Variants in ZDHHC11 observed in about 807,000 individuals in gnomAD.
ZDHHC11 encodes palmitoyltransferase ZDHHC11.
ZDHHC11 carries 44 observed loss-of-function variants against 51.3 expected under a neutral mutation model. That is an observed-to-expected ratio of 0.86 (90% CI 0.67 to 1.10). The LOEUF (loss-of-function observed/expected upper bound fraction) is 1.10. Ranked by LOEUF, ZDHHC11 falls within the 50% of genes least tolerant of loss-of-function variation. The pLI is 0.00. For synonymous variants in ZDHHC11, 163 were observed against 222.0 expected (o/e 0.73, Z 2.36); for missense variants, 400 against 537.7 (o/e 0.74, Z 2.53).
intron 4 of ZDHHC11, chr5:841,900 C>G (rs1745042674): frequency 7.1e-6 from 7 of 989,388 alleles, no homozygotes; most frequent in Admixed American, 6.1e-5. Context: ...CTCTCTGGAA[C>G]TGGTGGCCTC....
chr5:818,963 G>A lies in ZDHHC11; in HGVS notation c.1146+562C>T, dbSNP rs572421076. Among the ~76,000 whole-genome samples, 62 of 151,524 alleles carry A rather than the reference G, an allele frequency of 4.1e-4. 1 individual carries two copies. Among genetic ancestry groups the A allele is most frequent in the African/African-American group, 1.3e-3 (52 of 41,350 alleles). On this transcript the variant is annotated intron_variant, in intron 10 of 12. Transcript: ENST00000283441. ...CCGGTAGCCACACAGGGCTTTTCCC[G>A]TGAAGGACGGACACAGAGTCCATGT...
rs1210959926 is a variant in ZDHHC11 at position 848,565 on chromosome 5, A to G, written c.318T>C (p.Tyr106=). The change falls in exon 2 of 13, where the codon TAT becomes TAC. Residue 106 remains tyrosine, a synonymous_variant. Transcript: ENST00000283441. ...ADSNVRLMKN[Y]SQPMPLFDRS... ...TGTCGAAGAGGGGCATGGGCTGAGA[A>G]TAGTTCTTCATGAGTCTGACATTGG... 23 of 1,579,076 alleles carry G rather than the reference A, an allele frequency of 1.5e-5. No individual in the cohort carries two copies. Among genetic ancestry groups the G allele is most frequent in the Non-Finnish European group, 1.9e-5 (22 of 1,160,130 alleles).
chr5:808,979 T>C lies in ZDHHC11; in HGVS notation c.1181+5782A>G, dbSNP rs1739694626. Among the ~76,000 whole-genome samples, 5 of 88,694 alleles carry C rather than the reference T, an allele frequency of 5.6e-5. No homozygotes were observed. In the South Asian group the frequency reaches 2.4e-3, roughly 43 times the overall value. 58.2% of individuals were successfully genotyped at this position (88,694 alleles called of 152,430 possible). A position where few individuals can be genotyped will look rare whatever the true frequency, so the allele number is the denominator to read the frequency against. On this transcript the variant is annotated intron_variant, in intron 11 of 12. Coordinates refer to ENST00000283441, the MANE Select transcript of ZDHHC11 (RefSeq NM_024786.3). ...CCCCACATGCTCCATCTTTTGACCA[T>C]CAGTTACACACACACACACACACAC...
At chr5:854,576 TC>T (rs1747853289), upstream of ZDHHC11, among the ~76,000 whole-genome samples, 2 of 67,168 alleles carry the variant, frequency 3.0e-5, no homozygotes, top group African/African-American at 1.2e-4. Flanking sequence ...GAGCCAGGGG[TC>T]ACAGATCCCA....
At chr5:857,639 G>A (rs536306819) in intron 1 of ZDHHC11, among the ~76,000 whole-genome samples, 12 of 146,448 alleles carry the variant, frequency 8.2e-5, no homozygotes, top group Admixed American at 4.8e-4. Context: ...AGTCTGTCCC[G>A]GTCCCATCCC....
chr5:846,747 T>TA (rs1561299234), intron 3 of ZDHHC11, among the ~76,000 whole-genome samples: 12 of 109,532 alleles, frequency 1.1e-4, no homozygotes, highest in African/African-American at 4.9e-4. Context: ...CCTCTCGTTC[T>TA]TGAGCCTCCA....
chr5:834,335 AT>A (rs1206274957), intron 6 of ZDHHC11, among the ~76,000 whole-genome samples: 20 of 152,382 alleles, frequency 1.3e-4, no homozygotes, highest in Non-Finnish European at 2.4e-4. Context: ...TCTTTTGCCC[AT>A]TTTTTATATG....
At chr5:842,001 T>A in intron 4 of ZDHHC11, 1 of 988,400 alleles carries the variant, frequency 1.0e-6, no homozygotes, top group Non-Finnish European at 1.2e-6. Flanking sequence ...GCTGCCCCCC[T>A]TAGCCAGTGA....
intron 10 of ZDHHC11, among the ~76,000 whole-genome samples, chr5:817,390 G>A (rs1398316156): frequency 3.3e-5 from 5 of 151,272 alleles, no homozygotes; most frequent in African/African-American, 7.3e-5. Flanking sequence ...GTGTTTCCTT[G>A]AAGAATTCAG....
chr5:838,475 C>T (rs551186956), intron 5 of ZDHHC11, among the ~76,000 whole-genome samples: 1 of 152,114 alleles, frequency 6.6e-6, no homozygotes, highest in South Asian at 2.1e-4. Context: ...GGTGGGCGCC[C>T]TGGGGAGCTG....
At chr5:802,304 A>G (rs1287342063) in intron 11 of ZDHHC11, among the ~76,000 whole-genome samples, 1 of 151,326 alleles carries the variant, frequency 6.6e-6, no homozygotes, top group Non-Finnish European at 1.5e-5. Context: ...CACAGAAGGA[A>G]GTGACAGGAC....
intron 11 of ZDHHC11, among the ~76,000 whole-genome samples, chr5:803,595 T>C (rs1561229404): frequency 6.6e-6 from 1 of 150,794 alleles, no homozygotes; most frequent in African/African-American, 2.4e-5. Context: ...TTATAGAACA[T>C]ATAAAGAAAT....
At chr5:807,281 G>A (rs1432545885) in intron 11 of ZDHHC11, among the ~76,000 whole-genome samples, 4 of 150,806 alleles carry the variant, frequency 2.7e-5, no homozygotes, top group South Asian at 2.1e-4. Context: ...AGTATCCAAT[G>A]TATTGCACGT....
chr5:858,469 C>G (rs1010445274), intron 1 of ZDHHC11, among the ~76,000 whole-genome samples: 2 of 152,202 alleles, frequency 1.3e-5, no homozygotes, highest in African/African-American at 4.8e-5. Context: ...CTTTATGACA[C>G]CATGGTCCCA....
chr5:831,620 C>G (rs1743096506), intron 7 of ZDHHC11, among the ~76,000 whole-genome samples: 1 of 145,056 alleles, frequency 6.9e-6, no homozygotes, highest in South Asian at 2.2e-4. Flanking sequence ...CCAATCCCAT[C>G]AAAAAGTGGG....
chr5:797,372 T>A (rs1326361125), intron 12 of ZDHHC11, among the ~76,000 whole-genome samples: 1 of 151,768 alleles, frequency 6.6e-6, no homozygotes, highest in African/African-American at 2.4e-5. Context: ...CTCAGCCAAA[T>A]CTCCTTAAAT....
At chr5:818,751 C>A (rs1195697758) in intron 10 of ZDHHC11, among the ~76,000 whole-genome samples, 1 of 151,482 alleles carries the variant, frequency 6.6e-6, no homozygotes, top group African/African-American at 2.4e-5. Flanking sequence ...GTTTCAGCTA[C>A]TCGGGAGGCT....
At chr5:834,054 C>G (rs559386436) in intron 6 of ZDHHC11, among the ~76,000 whole-genome samples, 1 of 152,418 alleles carries the variant, frequency 6.6e-6, no homozygotes, top group African/African-American at 2.4e-5. Flanking sequence ...TGCCAAACTG[C>G]TTTCCAGTGT....
In ZDHHC11 at chr5:850,779, A is replaced by G. The variant is rs1311691092; in HGVS notation, c.-177T>C. 1.3e-6 allele frequency: 1 copy of G among 766,978 alleles called. No homozygotes were observed. The highest frequency in any genetic ancestry group is 1.8e-5 in the African/African-American group (1 of 57,010). 47.5% of individuals were successfully genotyped at this position (766,978 alleles called of 1,614,324 possible). On this transcript the variant is annotated 5_prime_UTR_variant, in exon 1 of 13. Coordinates refer to ENST00000283441, the MANE Select transcript of ZDHHC11 (RefSeq NM_024786.3). ...GCAGAGGGAGCAGGGGCTGGGCTGG[A>G]GTCGGTGCAGGGCCCCGCCCAGGGG...
Sources: gnomAD v4.1 joint callset for allele counts (sites outside exome capture counted in the v4.1 genomes callset) on GRCh38, gnomAD v4.1.1 for gene constraint, MANE v1.5 for transcripts, NCBI Gene and HGNC (gene_info 2026-07-23, HGNC 2026-07-21) for gene names.